The following ACO1 variants were observed in gnomAD, a reference collection of about 807,000 sequenced individuals.
The protein encoded by ACO1 is cytoplasmic aconitate hydratase.
A neutral mutation model predicts 105.1 loss-of-function variants in ACO1; 78 were observed. The ratio of observed to expected loss-of-function variants is 0.74; its 90% CI spans 0.62 to 0.90. ACO1 has a LOEUF of 0.90. Ranked by LOEUF, ACO1 falls within the 40% of genes least tolerant of loss-of-function variation. ACO1 has a pLI of 0.00. For synonymous variants in ACO1, 364 were observed against 397.4 expected, an observed-to-expected ratio of 0.92 and a Z score of 1.00; for missense variants, 965 against 1,111.1, an observed-to-expected ratio of 0.87 and a Z score of 1.87.
At chr9:32,423,031 A>G (rs1822009511) in intron 8 of ACO1, among the ~76,000 whole-genome samples, 2 of 152,230 alleles carry the variant, frequency 1.3e-5, no homozygotes, top group Admixed American at 6.5e-5. Flanking sequence ...ATTAAAGGCT[A>G]TACCCCAAAA....
At chr9:32,399,106 A>G (rs1273644574) in intron 1 of ACO1, among the ~76,000 whole-genome samples, 1 of 152,194 alleles carries the variant, frequency 6.6e-6, no homozygotes, top group Admixed American at 6.5e-5. Context: ...GCTGTCTGTC[A>G]TTCACGTAAA....
In ACO1 at chr9:32,408,717, T is replaced by A. The variant is rs547756031; in HGVS notation, c.404+66T>A. ...CAAAATCTTTGAACACGAATCTTTTTAAAATGTGTATATGTAGTTAAAGAA... is the reference window on the plus strand; with the variant it reads ...CAAAATCTTTGAACACGAATCTTTTAAAAATGTGTATATGTAGTTAAAGAA... On this transcript the variant is annotated intron_variant, in intron 4 of 20. Coordinates refer to ENST00000309951, the MANE Select transcript of ACO1 (RefSeq NM_002197.3). The A allele has an allele frequency of 2.6e-6, 4 of 1,559,284 alleles. No individual in the cohort carries two copies. In the Admixed American group the frequency reaches 5.4e-5, roughly 21 times the overall value.
intron 6 of ACO1, 144 bp downstream of exon 6, chr9:32,418,655 C>T (rs1308906999): frequency 5.3e-6 from 5 of 939,148 alleles, no homozygotes; most frequent in Non-Finnish European, 8.0e-6. Flanking sequence ...TTTTCCAGTG[C>T]CTAGAGAATC....
chr9:32,435,909 T>G, intron 17 of ACO1: 1 of 398,986 alleles, frequency 2.5e-6, no homozygotes, highest in Non-Finnish European at 4.9e-6. Flanking sequence ...CACTTATTTT[T>G]AATTTAGCTC....
chr9:32,434,664 A>C lies in ACO1; in HGVS notation c.2062A>C (p.Arg688=). 1 of 1,614,172 alleles carries C rather than the reference A, an allele frequency of 6.2e-7. No individual in the cohort carries two copies. The highest frequency in any genetic ancestry group is 8.5e-7 in the Non-Finnish European group (1 of 1,179,994). Residue 688 remains arginine (R), a synonymous_variant, in exon 17 of 21, where the codon AGA becomes CGA. Transcript: ENST00000309951. ...DHISPAGNIA[R]NSPAARYLTN... ...CATCTCCCCAGCTGGAAATATTGCA[A>C]GAAACAGTCCTGCTGCTCGCTACTT...
chr9:32,432,724 T>C (rs1459904353), intron 15 of ACO1, among the ~76,000 whole-genome samples: 1 of 152,228 alleles, frequency 6.6e-6, no homozygotes, highest in Non-Finnish European at 1.5e-5. Flanking sequence ...TCATAAGTTA[T>C]TGATAAGCAT....
chr9:32,390,022 T>A (rs1821235640), intron 1 of ACO1, among the ~76,000 whole-genome samples: 1 of 152,186 alleles, frequency 6.6e-6, no homozygotes, highest in South Asian at 2.1e-4. Context: ...GGTCTCGAAT[T>A]CCTTACTTCA....
chr9:32,391,399 C>G (rs1821264657), intron 1 of ACO1, among the ~76,000 whole-genome samples: 1 of 152,186 alleles, frequency 6.6e-6, no homozygotes, highest in Admixed American at 6.5e-5. Flanking sequence ...TTCTTGTGCC[C>G]CTTAATGCCA....
In ACO1 at chr9:32,407,407, C is replaced by G. The variant is rs1273311415; in HGVS notation, c.244C>G (p.Arg82Gly). The change falls in exon 3 of 21, where the codon CGT becomes GGT. Residue 82 changes from arginine (R) to glycine (G), a missense_variant. Coordinates refer to ENST00000309951, the MANE Select transcript of ACO1 (RefSeq NM_002197.3). ...CATAGAAGTGCCATTTAAGCCTGCT[C>G]GTGTCATCCTGCAGGACTTTACGTG... is the stretch of plus-strand genomic sequence containing the variant. Reference protein sequence around the residue: ...KNIEVPFKPARVILQDFTGVP... With the variant: ...KNIEVPFKPAGVILQDFTGVP... The G allele has an allele frequency of 6.2e-7, 1 of 1,613,952 alleles. No homozygotes were observed. Among genetic ancestry groups the G allele is most frequent in the Non-Finnish European group, 8.5e-7 (1 of 1,179,872 alleles).
Position 32,454,047 on chromosome 9 carries a change from T to A in ACO1, c.*3936T>A, listed in dbSNP as rs1264885767. 6.6e-6 allele frequency: 1 copy of A among 152,212 alleles called. No individual in the cohort carries two copies. Among genetic ancestry groups the A allele is most frequent in the Non-Finnish European group, 1.5e-5 (1 of 68,028 alleles). The allele number at this position is 152,212 out of a possible 1,614,324, so 9.4% of individuals were successfully genotyped here. On this transcript the variant is annotated 3_prime_UTR_variant, in exon 21 of 21. Transcript: ENST00000309951. ...AAATTTGGTTCTGGTTGTCTTATCG[T>A]ATGCAGGCTGGATACCTGCTACTGT...
At chr9:32,432,215 C>T (rs1443000121) in intron 15 of ACO1, among the ~76,000 whole-genome samples, 1 of 152,084 alleles carries the variant, frequency 6.6e-6, no homozygotes, top group Non-Finnish European at 1.5e-5. Flanking sequence ...GTCGAATGCA[C>T]CTCTCAGAAT....
At chr9:32,408,397 G>T in intron 3 of ACO1, 117 bp from the exon 4 acceptor site, 1 of 1,189,492 alleles carries the variant, frequency 8.4e-7, no homozygotes. Context: ...CTCACCCATT[G>T]TTAGCTCCTC....
intron 19 of ACO1, chr9:32,445,392 AT>A (rs1326799820): frequency 6.5e-6 from 1 of 153,182 alleles, no homozygotes; most frequent in Non-Finnish European, 1.5e-5. Flanking sequence ...TTTCTAGTTT[AT>A]TTGCGTAGAG....
At chr9:32,428,851 A>G (rs981686427) in intron 12 of ACO1, among the ~76,000 whole-genome samples, 3 of 152,144 alleles carry the variant, frequency 2.0e-5, no homozygotes, top group African/African-American at 4.8e-5. Flanking sequence ...CTCAAAAAAA[A>G]AAAAGTCAGC....
intron 1 of ACO1, among the ~76,000 whole-genome samples, chr9:32,403,831 A>G (rs1821549865): frequency 1.3e-5 from 2 of 152,052 alleles, no homozygotes; most frequent in Non-Finnish European, 2.9e-5. Flanking sequence ...GCCTCTGTTG[A>G]GATAGTCTTC....
intron 14 of ACO1, among the ~76,000 whole-genome samples, chr9:32,430,917 C>T (rs757386015): frequency 1.3e-4 from 20 of 152,196 alleles, no homozygotes; most frequent in Non-Finnish European, 2.6e-4. Flanking sequence ...GATATTTCAA[C>T]TTCTCAGAAT....
rs756300369 is a variant in ACO1 at position 32,431,807 on chromosome 9, C to T, written c.1815C>T (p.Ile605=). Residue 605 remains isoleucine, a synonymous_variant, in exon 15 of 21, where the codon ATC becomes ATT. Transcript: ENST00000309951. ...EIQAVERQYV[I]PGMFKEVYQK... ...AGGCAGTGGAGCGTCAGTATGTCAT[C>T]CCGGGGATGTTTAAGGAAGTCTATC... 1 of 1,614,118 alleles carries T rather than the reference C, an allele frequency of 6.2e-7. No individual in the cohort carries two copies. The highest frequency in any genetic ancestry group is 1.1e-5 in the South Asian group (1 of 91,072).
chr9:32,411,744 C>T (rs1195227632), intron 4 of ACO1, among the ~76,000 whole-genome samples: 1 of 152,106 alleles, frequency 6.6e-6, no homozygotes, highest in African/African-American at 2.4e-5. Flanking sequence ...ATAAGGGAGA[C>T]ACTTTTATAC....
rs1304007343 is a variant in ACO1, at chr9:32,449,034, A to G, written c.2509A>G (p.Ile837Val). ...LGLTGQERYT[I>V]IIPENLKPQM... ...GCTCACAGGGCAAGAACGATACACT[A>G]TCATTATTCCAGAAAACCTCAAACC... The change falls in exon 20 of 21, where the codon ATC becomes GTC. Residue 837 changes from isoleucine to valine, a missense_variant. Ile to Val is a conservative substitution (Grantham distance 29, BLOSUM62 3). Transcript: ENST00000309951. 1 of 1,612,572 alleles carries G rather than the reference A, an allele frequency of 6.2e-7. No individual in the cohort carries two copies. Among genetic ancestry groups the G allele is most frequent in the Non-Finnish European group, 8.5e-7 (1 of 1,178,920 alleles).
Sources: allele counts gnomAD v4.1 joint callset (sites outside exome capture counted in the v4.1 genomes callset), GRCh38; gene constraint gnomAD v4.1.1; transcripts MANE v1.5; gene names NCBI Gene and HGNC (gene_info 2026-07-23, HGNC 2026-07-21).